The following COL28A1 variants were observed in gnomAD, a reference collection of about 807,000 sequenced individuals.
COL28A1 encodes the protein collagen type XXVIII alpha 1 chain.
COL28A1 carries 161 observed loss-of-function variants against 150.2 expected under a neutral mutation model. The observed-to-expected ratio is 1.07, with a 90% confidence interval of 0.94 to 1.22. The LOEUF is 1.22. Ranked by LOEUF, COL28A1 falls within the 50% of genes most tolerant of loss-of-function variation. The pLI, the probability that COL28A1 is intolerant of heterozygous loss-of-function variation, is 0.00. For synonymous variants in COL28A1, 552 were observed against 469.7 expected (o/e 1.18, Z -2.26); for missense variants, 1,617 against 1,388.3 (o/e 1.16, Z -2.62).
chr7:7,366,014 G>A (rs1303141783), intron 33 of COL28A1, among the ~76,000 whole-genome samples: 1 of 152,164 alleles, frequency 6.6e-6, no homozygotes, highest in Non-Finnish European at 1.5e-5. Flanking sequence ...CAAAAAGGGT[G>A]TAATGCAGGA....
intron 18 of COL28A1, among the ~76,000 whole-genome samples, chr7:7,450,258 A>C (rs1397202145): frequency 6.6e-6 from 1 of 152,170 alleles, no homozygotes; most frequent in East Asian, 1.9e-4. Context: ...CCATACACAA[A>C]AATAAATTCC....
chr7:7,538,802 T>C (rs1782730769), upstream of COL28A1, among the ~76,000 whole-genome samples: 1 of 152,058 alleles, frequency 6.6e-6, no homozygotes, highest in Non-Finnish European at 1.5e-5. Context: ...CATAGTATAG[T>C]TTCACAAGCT....
At chr7:7,430,749 C>T (rs1055122463) in intron 25 of COL28A1, among the ~76,000 whole-genome samples, 7 of 152,046 alleles carry the variant, frequency 4.6e-5, no homozygotes, top group Non-Finnish European at 7.4e-5. Context: ...TTGAATTTCT[C>T]TATTTTTTTT....
At position 7,371,894 on chromosome 7, in the gene COL28A1, A is replaced by G. The variant is rs112847721; in HGVS notation, c.2909-1012T>C. Among the ~76,000 whole-genome samples the G allele has an allele frequency of 1.0e-2, 1,514 of 152,026 alleles. 26 individuals carry two copies. Among genetic ancestry groups the G allele is most frequent in the African/African-American group, 0.035 (1,453 of 41,498 alleles). On this transcript the variant is annotated intron_variant, in intron 32 of 34. Transcript: ENST00000399429. ...GTCGCCCAGGCTGGAGTGCAGTGGT[A>G]CAATCTCGGCTCACTGTAACCTCCG... is the stretch of plus-strand genomic sequence containing the variant.
chr7:7,340,566 G>A, the COL28A1 span, among the ~76,000 whole-genome samples: 1 of 152,050 alleles, frequency 6.6e-6, no homozygotes, highest in South Asian at 2.1e-4. Context: ...TAGGCAATTA[G>A]CTCAATGACT....
chr7:7,374,517 T>A (rs1781441630), intron 31 of COL28A1, among the ~76,000 whole-genome samples: 1 of 151,926 alleles, frequency 6.6e-6, no homozygotes, highest in Non-Finnish European at 1.5e-5. Flanking sequence ...TTGAGGGGAG[T>A]AATCCCCGAG....
chr7:7,386,995 A>T (rs1169448515), intron 27 of COL28A1, among the ~76,000 whole-genome samples: 2 of 152,168 alleles, frequency 1.3e-5, no homozygotes, highest in Non-Finnish European at 2.9e-5. Context: ...GGAAGGGACA[A>T]GACAGCTCCC....
At chr7:7,356,708 G>A (rs926040881), downstream of COL28A1, 2 of 151,698 alleles carry the variant, frequency 1.3e-5, no homozygotes, top group Admixed American at 6.6e-5. Flanking sequence ...TGGCGGGGGA[G>A]TGGGGAGGGA....
intron 11 of COL28A1, among the ~76,000 whole-genome samples, chr7:7,494,791 G>C (rs572881510): frequency 2.6e-5 from 4 of 152,272 alleles, no homozygotes; most frequent in African/African-American, 9.6e-5. Context: ...GATATTAACA[G>C]AATACATAAG....
intron 9 of COL28A1, among the ~76,000 whole-genome samples, chr7:7,507,592 T>G (rs1394302813): frequency 6.6e-6 from 1 of 152,196 alleles, no homozygotes; most frequent in Non-Finnish European, 1.5e-5. Context: ...GGCAAAACAC[T>G]GTTTATATTC....
intron 13 of COL28A1, among the ~76,000 whole-genome samples, chr7:7,480,029 C>G (rs943177619): frequency 1.3e-5 from 2 of 152,184 alleles, no homozygotes; most frequent in Non-Finnish European, 2.9e-5. Context: ...AGTCTGCCAA[C>G]TTTCCTGCAA....
chr7:7,460,420 C>T (rs966628708), intron 15 of COL28A1, among the ~76,000 whole-genome samples: 1 of 151,798 alleles, frequency 6.6e-6, no homozygotes, highest in Admixed American at 6.6e-5. Flanking sequence ...CTTGCTCTGT[C>T]ACCCAGGCTG....
chr7:7,537,117 A>G (rs527721162), upstream of COL28A1, among the ~76,000 whole-genome samples: 1 of 152,382 alleles, frequency 6.6e-6, no homozygotes, highest in Non-Finnish European at 1.5e-5. Context: ...AAAGATTGAT[A>G]AAAACAAGAT....
chr7:7,508,146 A>G (rs1418257698), intron 9 of COL28A1, among the ~76,000 whole-genome samples: 7 of 151,732 alleles, frequency 4.6e-5, no homozygotes, highest in African/African-American at 7.3e-5. Flanking sequence ...GCAGGAGAAT[A>G]GCGTGAACCC....
chr7:7,458,926 A>G (rs923982344), intron 15 of COL28A1, among the ~76,000 whole-genome samples: 2 of 152,246 alleles, frequency 1.3e-5, no homozygotes, highest in Non-Finnish European at 2.9e-5. Context: ...TACCTGTGCC[A>G]TAAGTACAAC....
At chr7:7,458,677 C>T (rs1415805731) in intron 15 of COL28A1, among the ~76,000 whole-genome samples, 1 of 152,114 alleles carries the variant, frequency 6.6e-6, no homozygotes, top group Non-Finnish European at 1.5e-5. Context: ...AGATATTGTG[C>T]TTAATGCTTT....
At chr7:7,529,813 T>C (rs947401666) in intron 3 of COL28A1, among the ~76,000 whole-genome samples, 1 of 152,236 alleles carries the variant, frequency 6.6e-6, no homozygotes, top group Admixed American at 6.5e-5. Context: ...CCCTCTGTTT[T>C]ATGTTCAGTG....
In COL28A1 at chr7:7,453,441, T is replaced by A; in HGVS notation, c.1439A>T (p.Lys480Met). ...GPAGQGLPGS[K>M]GEVGQMGPTG... ...CTCCGCTCTCATTTACAAAGTTACC[T>A]TGGAACCAGGTAAGCCCTGTCCTGC... Residue 480 changes from lysine (K) to methionine (M), a missense_variant and splice_region_variant, in exon 17 of 35, where the codon AAG becomes ATG. Coordinates refer to ENST00000399429, the MANE Select transcript of COL28A1 (RefSeq NM_001037763.3). The A allele has an allele frequency of 8.4e-7, 1 of 1,190,474 alleles. No homozygotes were observed. Among genetic ancestry groups the A allele is most frequent in the Non-Finnish European group, 1.3e-6 (1 of 793,074 alleles). The allele number at this position is 1,190,474 out of a possible 1,614,324, so 73.7% of individuals were successfully genotyped here. A position where few individuals can be genotyped will look rare whatever the true frequency, so the allele number is the denominator to read the frequency against.
At chr7:7,539,257 T>C (rs1782745354), upstream of COL28A1, among the ~76,000 whole-genome samples, 2 of 152,224 alleles carry the variant, frequency 1.3e-5, no homozygotes, top group Non-Finnish European at 2.9e-5. Context: ...CATCTGCTTC[T>C]GGTGAGGGCC....
Sources: gnomAD v4.1 joint callset for allele counts (sites outside exome capture counted in the v4.1 genomes callset) on GRCh38, gnomAD v4.1.1 for gene constraint, MANE v1.5 for transcripts, NCBI Gene and HGNC (gene_info 2026-07-23, HGNC 2026-07-21) for gene names.